The following RAB34 variants were observed in gnomAD, a reference collection of about 807,000 sequenced individuals.
RAB34 encodes the protein ras-related protein Rab-34.
A neutral mutation model predicts 39.0 loss-of-function variants in RAB34; 33 were observed. The observed-to-expected ratio is 0.85, with a 90% confidence interval of 0.64 to 1.13. The LOEUF (loss-of-function observed/expected upper bound fraction) is 1.13. Ranked by LOEUF, RAB34 falls within the 50% of genes most tolerant of loss-of-function variation. The pLI is 0.00. For missense variants in RAB34, 289 were observed against 326.1 expected (o/e 0.89, Z 0.88); for synonymous variants, 135 against 125.1 (o/e 1.08, Z -0.53).
rs2033705041 is a variant in RAB34, at chr17:28,717,457, A to C, written c.-191T>G. The C allele has an allele frequency of 6.8e-7, 1 of 1,464,830 alleles. No individual in the cohort carries two copies. Among genetic ancestry groups the C allele is most frequent in the Admixed American group, 2.4e-5 (1 of 41,514 alleles). The allele number at this position is 1,464,830 out of a possible 1,614,324, so 90.7% of individuals were successfully genotyped here. A position where few individuals can be genotyped will look rare whatever the true frequency, so the allele number is the denominator to read the frequency against. ...CCACCGCGGGCCACGGAGATGAAAC[A>C]ATCACCCGGGGCCGCGGCGAGCCCA... On this transcript the variant is annotated 5_prime_UTR_variant, in exon 1 of 10. In the 5' UTR this introduces an upstream ATG that the reference lacks. Transcript: ENST00000395245.
Position 28,715,576 on chromosome 17 carries a change from C to G in RAB34, c.379+65G>C, listed in dbSNP as rs186826696. 4 of 1,614,110 alleles carry G rather than the reference C, an allele frequency of 2.5e-6. No individual in the cohort carries two copies. The East Asian group carries it at 8.9e-5, about 36-fold the overall frequency. ...CTACTGCTCATTTCCCCAATCCTTC[C>G]AGCTCCATATGAGAAGCCATGTGCA... On this transcript the variant is annotated intron_variant, in intron 5 of 9. Coordinates refer to ENST00000395245, the MANE Select transcript of RAB34 (RefSeq NM_031934.6).
Position 28,717,237 on chromosome 17 carries a change from A to G in RAB34, c.30T>C (p.Asp10=). 6.2e-7 allele frequency: 1 copy of G among 1,606,386 alleles called. No homozygotes were observed. Among genetic ancestry groups the G allele is most frequent in the Non-Finnish European group, 8.5e-7 (1 of 1,178,700 alleles). Residue 10 remains aspartate (D), a synonymous_variant, in exon 1 of 10, where the codon GAT becomes GAC. Transcript: ENST00000395245. ...CCTGGGGCAGCTCCGCCAGGACGCG[A>G]TCCCTCCGCACGGGTGCCAGAATGT... MNILAPVRR[D]RVLAELPQCL... is the part of the protein sequence containing the mutation.
rs1354395739 is a variant in RAB34, at chr17:28,717,837, G to T, written c.-571C>A. 8 of 1,348,666 alleles carry T rather than the reference G, an allele frequency of 5.9e-6. 1 individual carries two copies. 83.5% of individuals were successfully genotyped at this position (1,348,666 alleles called of 1,614,324 possible). A position where few individuals can be genotyped will look rare whatever the true frequency, so the allele number is the denominator to read the frequency against. On this transcript the variant is annotated 5_prime_UTR_variant, in exon 1 of 10. Coordinates refer to ENST00000395245, the MANE Select transcript of RAB34 (RefSeq NM_031934.6). ...GCCCAGTCCGGCTACAGGGCCTCGA[G>T]TCCCACTCCGCTCGGGCTCCGCCAA... is the stretch of plus-strand genomic sequence containing the variant.
In RAB34 at chr17:28,717,695, G is replaced by A; in HGVS notation, c.-429C>T. The A allele has an allele frequency of 7.3e-7, 1 of 1,362,846 alleles. No homozygotes were observed. Among genetic ancestry groups the A allele is most frequent in the Non-Finnish European group, 9.4e-7 (1 of 1,063,396 alleles). The allele number at this position is 1,362,846 out of a possible 1,614,324, so 84.4% of individuals were successfully genotyped here. On this transcript the variant is annotated 5_prime_UTR_variant, in exon 1 of 10. Transcript: ENST00000395245. Reference sequence around the variant, plus strand: ...AGACCCGACGTCATCTCGGGGCTGAGGCTGCCCTACCATTACAGAGCGGCC... The same window carrying A: ...AGACCCGACGTCATCTCGGGGCTGAAGCTGCCCTACCATTACAGAGCGGCC...
rs2032965524 is a variant in RAB34, at chr17:28,714,330, G to A, written c.*313C>T. 5.1e-6 allele frequency: 3 copies of A among 589,264 alleles called. No homozygotes were observed. Among genetic ancestry groups the A allele is most frequent in the Non-Finnish European group, 9.1e-6 (3 of 329,676 alleles). The allele number at this position is 589,264 out of a possible 1,614,324, so 36.5% of individuals were successfully genotyped here. A position where few individuals can be genotyped will look rare whatever the true frequency, so the allele number is the denominator to read the frequency against. On this transcript the variant is annotated 3_prime_UTR_variant, in exon 10 of 10. Transcript: ENST00000395245. Reference sequence around the variant, plus strand: ...AATGCATAAGGCACAGTGAGAGGCTGGAATCATTAAGCATCCTCAAACACA... The same window carrying A: ...AATGCATAAGGCACAGTGAGAGGCTAGAATCATTAAGCATCCTCAAACACA...
rs760245441 is a variant in RAB34, at chr17:28,714,692, C to T, written c.731G>A (p.Ser244Asn). The T allele has an allele frequency of 6.2e-7, 1 of 1,613,980 alleles. No individual in the cohort carries two copies. The highest frequency in any genetic ancestry group is 1.1e-5 in the South Asian group (1 of 91,088). ...CTTGCTGGCAGTTAGGTAGAGGTTG[C>T]TGTCATCACTGTTGATGCCTAAAGA... ...GDVVRINSDD[S>N]NLYLTASKKK... Residue 244 changes from serine (S) to asparagine (N), a missense_variant, in exon 10 of 10, where the codon AGC becomes AAC. Coordinates refer to ENST00000395245, the MANE Select transcript of RAB34 (RefSeq NM_031934.6).
chr17:28,717,415 T>G lies in RAB34; in HGVS notation c.-149A>C, dbSNP rs1488029955. 6.7e-7 allele frequency: 1 copy of G among 1,498,744 alleles called. No homozygotes were observed. Among genetic ancestry groups the G allele is most frequent in the Non-Finnish European group, 8.9e-7 (1 of 1,123,454 alleles). 92.8% of individuals were successfully genotyped at this position (1,498,744 alleles called of 1,614,324 possible). A position where few individuals can be genotyped will look rare whatever the true frequency, so the allele number is the denominator to read the frequency against. ...ACGGGGACCCTACGGGAGTCCGCGG[T>G]CTCGGAGACGCTACGACCACCGCGG... is the stretch of plus-strand genomic sequence containing the variant. On this transcript the variant is annotated 5_prime_UTR_variant, in exon 1 of 10. Transcript: ENST00000395245.
Position 28,715,665 on chromosome 17 carries a change from A to G in RAB34, c.355T>C (p.Ser119Pro). The change falls in exon 5 of 10, where the codon TCA becomes CCA. Residue 119 changes from serine to proline, a missense_variant. Transcript: ENST00000395245. ...AGQERFKCIA[S>P]TYYRGAQAII... is the part of the protein sequence containing the mutation. ...CCTTGAGCTCCTCTATAGTAGGTTG[A>G]TGCAATGCATTTGAACCTCTCCTGC... 1 of 1,614,120 alleles carries G rather than the reference A, an allele frequency of 6.2e-7. No homozygotes were observed.
intron 8 of RAB34, 39 bp from the exon 9 acceptor site, chr17:28,714,939 G>A: frequency 6.2e-7 from 1 of 1,602,980 alleles, no homozygotes; most frequent in Non-Finnish European, 8.5e-7. Flanking sequence ...GGGCAGTGCT[G>A]GGTCTGGGGA....
Position 28,717,716 on chromosome 17 carries a change from C to A in RAB34, c.-450G>T, listed in dbSNP as rs2033777564. ...CTGAGGCTGCCCTACCATTACAGAG[C>A]GGCCCGGGGGCGCGGAGCGGCCCCG... is the stretch of plus-strand genomic sequence containing the variant. On this transcript the variant is annotated 5_prime_UTR_variant, in exon 1 of 10. Coordinates refer to ENST00000395245, the MANE Select transcript of RAB34 (RefSeq NM_031934.6). 2 of 1,328,670 alleles carry A rather than the reference C, an allele frequency of 1.5e-6. No homozygotes were observed. The highest frequency in any genetic ancestry group is 1.5e-5 in the African/African-American group (1 of 64,714). The allele number at this position is 1,328,670 out of a possible 1,614,324, so 82.3% of individuals were successfully genotyped here.
At position 28,714,689 on chromosome 17, in the gene RAB34, T is replaced by C. The variant is rs150552930; in HGVS notation, c.734A>G (p.Asn245Ser). Residue 245 changes from asparagine (N) to serine (S), a missense_variant, in exon 10 of 10, where the codon AAC becomes AGC. Coordinates refer to ENST00000395245, the MANE Select transcript of RAB34 (RefSeq NM_031934.6). ...CTTCTTGCTGGCAGTTAGGTAGAGG[T>C]TGCTGTCATCACTGTTGATGCCTAA... ...DVVRINSDDS[N>S]LYLTASKKKP... is the part of the protein sequence containing the mutation. The C allele has an allele frequency of 4.3e-6, 7 of 1,613,896 alleles. No homozygotes were observed. In the African/African-American group the frequency reaches 9.3e-5, roughly 22 times the overall value.
upstream of RAB34, chr17:28,718,112 G>A (rs745884268): frequency 6.2e-7 from 1 of 1,607,156 alleles, no homozygotes; most frequent in Non-Finnish European, 8.5e-7. Context: ...GCCTTCATGG[G>A]GACCCTTACC....
chr17:28,717,812 G>A lies in RAB34; in HGVS notation c.-546C>T, dbSNP rs945241400. 8 of 1,330,666 alleles carry A rather than the reference G, an allele frequency of 6.0e-6. No individual in the cohort carries two copies. The Admixed American group carries it at 3.0e-4, about 50-fold the overall frequency. The allele number at this position is 1,330,666 out of a possible 1,614,324, so 82.4% of individuals were successfully genotyped here. On this transcript the variant is annotated 5_prime_UTR_variant, in exon 1 of 10. Coordinates refer to ENST00000395245, the MANE Select transcript of RAB34 (RefSeq NM_031934.6). ...AGGCCGCTGGAGGAGGGGGCGAGGG[G>A]CCCAGTCCGGCTACAGGGCCTCGAG...
At position 28,717,489 on chromosome 17, in the gene RAB34, C is replaced by T. The variant is rs1264359665; in HGVS notation, c.-223G>A. ...CGGGGCCGCGGCGAGCCCAAAATCA[C>T]CCGGGCCCTGGGCGTCCCGAAGATG... On this transcript the variant is annotated 5_prime_UTR_variant, in exon 1 of 10. It adds an upstream start codon to the 5' untranslated region. Coordinates refer to ENST00000395245, the MANE Select transcript of RAB34 (RefSeq NM_031934.6). 2 of 1,439,020 alleles carry T rather than the reference C, an allele frequency of 1.4e-6. No individual in the cohort carries two copies. Among genetic ancestry groups the T allele is most frequent in the African/African-American group, 1.4e-5 (1 of 69,020 alleles). 89.1% of individuals were successfully genotyped at this position (1,439,020 alleles called of 1,614,324 possible). A position where few individuals can be genotyped will look rare whatever the true frequency, so the allele number is the denominator to read the frequency against.
intron 1 of RAB34, 29 bp downstream of exon 1, chr17:28,717,184 C>T (rs1323633503): frequency 1.3e-6 from 2 of 1,585,936 alleles, no homozygotes; most frequent in South Asian, 2.3e-5. Context: ...GGGCTGTAGA[C>T]TGAAGCCCGA....
Position 28,717,744 on chromosome 17 carries a change from A to T in RAB34, c.-478T>A, listed in dbSNP as rs899990556. On this transcript the variant is annotated 5_prime_UTR_variant, in exon 1 of 10. Coordinates refer to ENST00000395245, the MANE Select transcript of RAB34 (RefSeq NM_031934.6). ...CCCGGGGGCGCGGAGCGGCCCCGCC[A>T]CACGGGGTCAGTGTGGGCAGGGGCG... 7.5e-7 allele frequency: 1 copy of T among 1,327,664 alleles called. No individual in the cohort carries two copies. Among genetic ancestry groups the T allele is most frequent in the Admixed American group, 3.7e-5 (1 of 26,976 alleles). 82.2% of individuals were successfully genotyped at this position (1,327,664 alleles called of 1,614,324 possible). A position where few individuals can be genotyped will look rare whatever the true frequency, so the allele number is the denominator to read the frequency against.
intron 1 of RAB34, 94 bp from the exon 2 acceptor site, chr17:28,717,088 C>T: frequency 4.5e-6 from 7 of 1,556,488 alleles, no homozygotes; most frequent in East Asian, 2.3e-5. Flanking sequence ...GCAGGGACCA[C>T]CCAGAAGCAC....
Position 28,717,687 on chromosome 17 carries a change from G to C in RAB34, c.-421C>G. ...GGCCGCGGAGACCCGACGTCATCTC[G>C]GGGCTGAGGCTGCCCTACCATTACA... is the stretch of plus-strand genomic sequence containing the variant. On this transcript the variant is annotated 5_prime_UTR_variant, in exon 1 of 10. Transcript: ENST00000395245. 1 of 1,362,474 alleles carries C rather than the reference G, an allele frequency of 7.3e-7. No homozygotes were observed. Among genetic ancestry groups the C allele is most frequent in the Non-Finnish European group, 9.4e-7 (1 of 1,063,200 alleles). The allele number at this position is 1,362,474 out of a possible 1,614,324, so 84.4% of individuals were successfully genotyped here.
In RAB34 at chr17:28,715,042, T is replaced by G; in HGVS notation, c.594A>C (p.Ser198=). 2 of 1,613,826 alleles carry G rather than the reference T, an allele frequency of 1.2e-6. No homozygotes were observed. The highest frequency in any genetic ancestry group is 1.3e-5 in the African/African-American group (1 of 75,028). The change falls in exon 8 of 10, where the codon TCA becomes TCC. Residue 198 remains serine, a synonymous_variant. Coordinates refer to ENST00000395245, the MANE Select transcript of RAB34 (RefSeq NM_031934.6). ...QEMKAEYWAV[S]SLTGENVREF... is the part of the protein sequence containing the mutation. Reference sequence around the variant, plus strand: ...AAGCCTCCAACTCACCAGTGAGAGATGAGACTGCCCAGTACTCAGCCTTCA... The same window carrying G: ...AAGCCTCCAACTCACCAGTGAGAGAGGAGACTGCCCAGTACTCAGCCTTCA...
Sources: gnomAD v4.1 joint callset for allele counts on GRCh38, gnomAD v4.1.1 for gene constraint, MANE v1.5 for transcripts, NCBI Gene and HGNC (gene_info 2026-07-23, HGNC 2026-07-21) for gene names.